The following DOP1B variants were observed in gnomAD, a reference collection of about 807,000 sequenced individuals.
DOP1B encodes protein DOP1B.
A neutral mutation model predicts 233.5 loss-of-function variants in DOP1B; 174 were observed. The observed-to-expected ratio is 0.75, with a 90% CI of 0.66 to 0.85. The LOEUF (loss-of-function observed/expected upper bound fraction) is 0.85. Ranked by LOEUF, DOP1B falls within the 40% of genes least tolerant of loss-of-function variation. The pLI, the probability that DOP1B is intolerant of heterozygous loss-of-function variation, is 0.00. For missense variants in DOP1B, 2,652 were observed against 2,846.6 expected, an observed-to-expected ratio of 0.93 and a Z score of 1.56; for synonymous variants, 1,190 against 1,185.6, an observed-to-expected ratio of 1.00 and a Z score of -0.08.
chr21:36,216,998 C>G (rs924996514), intron 9 of DOP1B, among the ~76,000 whole-genome samples: 1 of 148,414 alleles, frequency 6.7e-6, no homozygotes, highest in Non-Finnish European at 1.5e-5. Context: ...TCACTTGAAT[C>G]TGGGAGGCAG....
At chr21:36,268,476 A>G (rs1167593617) in intron 26 of DOP1B, among the ~76,000 whole-genome samples, 2 of 152,170 alleles carry the variant, frequency 1.3e-5, no homozygotes, top group African/African-American at 2.4e-5. Flanking sequence ...ACGTTTTACA[A>G]TCAATTTGTA....
intron 2 of DOP1B, among the ~76,000 whole-genome samples, chr21:36,171,052 T>C (rs1472623201): frequency 1.3e-5 from 2 of 152,192 alleles, no homozygotes; most frequent in Non-Finnish European, 2.9e-5. Context: ...ACGTGCATTA[T>C]TGTATAATAC....
intron 27 of DOP1B, among the ~76,000 whole-genome samples, chr21:36,270,396 T>TA (rs2067274061): frequency 6.7e-6 from 1 of 149,072 alleles, no homozygotes. Flanking sequence ...CTACTAAAAG[T>TA]AAAAAAATCA....
At chr21:36,165,393 C>T (rs2065899672) in intron 2 of DOP1B, among the ~76,000 whole-genome samples, 1 of 152,048 alleles carries the variant, frequency 6.6e-6, no homozygotes. Flanking sequence ...CTGCCCAAAA[C>T]TTGTGTGTGT....
At chr21:36,248,613 T>C (rs2066996981) in intron 21 of DOP1B, 45 bp downstream of exon 21, 2 of 1,541,694 alleles carry the variant, frequency 1.3e-6, no homozygotes, top group Non-Finnish European at 1.7e-6. Context: ...TGGTCTTGTA[T>C]TGTTCCACCC....
intron 18 of DOP1B, among the ~76,000 whole-genome samples, chr21:36,242,081 A>G (rs1157469795): frequency 6.6e-6 from 1 of 151,940 alleles, no homozygotes; most frequent in African/African-American, 2.4e-5. Flanking sequence ...TATTCATGGC[A>G]GCTACATTTT....
At chr21:36,211,328 T>G (rs2066495264) in intron 5 of DOP1B, among the ~76,000 whole-genome samples, 2 of 152,186 alleles carry the variant, frequency 1.3e-5, no homozygotes, top group Admixed American at 1.3e-4. Flanking sequence ...TCCAAACCCC[T>G]CCGGCTCTCA....
At chr21:36,159,897 G>A (rs942462766) in intron 1 of DOP1B, among the ~76,000 whole-genome samples, 9 of 152,296 alleles carry the variant, frequency 5.9e-5, no homozygotes, top group Middle Eastern at 3.4e-3. Flanking sequence ...TGTGTTAAAA[G>A]GAGCAAGGCC....
intron 22 of DOP1B, among the ~76,000 whole-genome samples, chr21:36,251,651 C>G (rs1025365492): frequency 6.6e-6 from 1 of 152,270 alleles, no homozygotes; most frequent in African/African-American, 2.4e-5. Context: ...GAACTCCTGA[C>G]CTCAGGTGAC....
intron 2 of DOP1B, among the ~76,000 whole-genome samples, chr21:36,166,436 C>CAA (rs34206711): frequency 7.1e-6 from 1 of 141,492 alleles, no homozygotes; most frequent in Non-Finnish European, 1.5e-5. Flanking sequence ...GACTCCGTCT[C>CAA]AAAAAAAAAA....
Position 36,219,437 on chromosome 21 carries a change from GC to G in DOP1B, c.1198del (p.Gly401AlafsTer15), listed in dbSNP as rs1277411473. On this transcript the variant is annotated frameshift_variant, in exon 10 of 37. Transcript: ENST00000691173. LOFTEE classifies it high-confidence loss of function. ...GGCCTTTTATTCTTACTGCAGAGAT[GC>G]CCTTGGCTCTGATCTTAAACTTAGC... ...IRAFYSYCRDALGSDLKLSYT... is the reference protein window; with the variant it reads ...IRAFYSYCRDXLGSDLKLSYT... 6.2e-7 allele frequency: 1 copy of G among 1,614,028 alleles called. No individual in the cohort carries two copies. The highest frequency in any genetic ancestry group is 1.3e-5 in the African/African-American group (1 of 74,916).
In DOP1B at chr21:36,231,110, T is replaced by C. The variant is rs752537336; in HGVS notation, c.2326T>C (p.Cys776Arg). Reference sequence around the variant, plus strand: ...GTCCGAGGAAGAGACCGAGCAGCTCTGTGCAACGCTCTTCCAGCTGCCAGG... The same window carrying C: ...GTCCGAGGAAGAGACCGAGCAGCTCCGTGCAACGCTCTTCCAGCTGCCAGG... ...YLSEEETEQL[C>R]ATLFQLPGAG... The change falls in exon 14 of 37, where the codon TGT (cysteine) becomes CGT (arginine). Residue 776 changes from cysteine (C) to arginine (R), a missense_variant. This residue lies in a region of DOP1B where 2,617 missense variants were observed against 2,794.3 expected (regional missense o/e 0.94). Coordinates refer to ENST00000691173, the MANE Select transcript of DOP1B (RefSeq NM_001320714.2). 4.4e-6 allele frequency: 7 copies of C among 1,589,610 alleles called. No individual in the cohort carries two copies. The Admixed American group carries it at 1.2e-4, about 27-fold the overall frequency.
At chr21:36,265,730 C>G (rs1857524665) in intron 26 of DOP1B, among the ~76,000 whole-genome samples, 1 of 152,152 alleles carries the variant, frequency 6.6e-6, no homozygotes, top group African/African-American at 2.4e-5. Flanking sequence ...CCTGGCCTCC[C>G]CGCCACTAAT....
At chr21:36,187,526 A>G (rs1481938146) in intron 2 of DOP1B, among the ~76,000 whole-genome samples, 4 of 151,930 alleles carry the variant, frequency 2.6e-5, no homozygotes, top group Non-Finnish European at 2.9e-5. Flanking sequence ...TGAACTCCCA[A>G]CCTCAGGTGA....
Position 36,237,346 on chromosome 21 carries a change from CACTGCCTGGCCCCT to C in DOP1B, c.2710_2723del (p.Cys904GlyfsTer16). 1 of 1,614,222 alleles carries C rather than the reference CACTGCCTGGCCCCT, an allele frequency of 6.2e-7. No individual in the cohort carries two copies. The highest frequency in any genetic ancestry group is 8.5e-7 in the Non-Finnish European group (1 of 1,180,050). On this transcript the variant is annotated frameshift_variant, in exon 16 of 37. Coordinates refer to ENST00000691173, the MANE Select transcript of DOP1B (RefSeq NM_001320714.2). LOFTEE classifies it high-confidence loss of function. ...CTGCGTAGAATTGTTCTACCGGCTG[CACTGCCTGGCCCCT>C]ACGGCCAACATCTGCGAGGACATCA...
intron 23 of DOP1B, among the ~76,000 whole-genome samples, chr21:36,257,573 AC>A (rs2067114715): frequency 6.6e-6 from 1 of 152,116 alleles, no homozygotes; most frequent in African/African-American, 2.4e-5. Flanking sequence ...ACACGTAAAA[AC>A]ATAGGTTGAT....
Position 36,246,092 on chromosome 21 carries a change from T to G in DOP1B, c.4112T>G (p.Val1371Gly). The G allele has an allele frequency of 6.2e-7, 1 of 1,614,082 alleles. No homozygotes were observed. The highest frequency in any genetic ancestry group is 1.3e-5 in the African/African-American group (1 of 75,042). ...GCCAAGTCTTCGGAAGGGAAGAACGTGGAGTTCATCCACAGCTTGCTGCAG... is the reference window on the plus strand; with the variant it reads ...GCCAAGTCTTCGGAAGGGAAGAACGGGGAGTTCATCCACAGCTTGCTGCAG... ...SVAKSSEGKNVEFIHSLLQRC... is the reference protein window; with the variant it reads ...SVAKSSEGKNGEFIHSLLQRC... The change falls in exon 19 of 37, where the codon GTG (valine) becomes GGG (glycine). Residue 1371 changes from valine (V) to glycine (G), a missense_variant. Transcript: ENST00000691173. The surrounding 1 kb of genome is among the most constrained non-coding windows in gnomAD (Gnocchi z 5.1).
At chr21:36,276,044 CAG>C (rs937488421) in intron 27 of DOP1B, among the ~76,000 whole-genome samples, 40 of 151,392 alleles carry the variant, frequency 2.6e-4, no homozygotes, top group African/African-American at 8.7e-4. Context: ...AAGGGTATGA[CAG>C]TGGTGGAGCT....
chr21:36,226,678 C>T (rs1390172225), intron 12 of DOP1B, among the ~76,000 whole-genome samples: 1 of 152,180 alleles, frequency 6.6e-6, no homozygotes, highest in African/African-American at 2.4e-5. Flanking sequence ...ACTGTAGCCT[C>T]ATCCTCCCAG....
Sources: allele counts gnomAD v4.1 joint callset (sites outside exome capture counted in the v4.1 genomes callset), GRCh38; gene constraint gnomAD v4.1.1; regional missense constraint gnomAD v4.1.1; non-coding constraint Gnocchi (gnomAD v3.1); transcripts MANE v1.5; gene names NCBI Gene and HGNC (gene_info 2026-07-23, HGNC 2026-07-21).